Variants in TPST1 observed in about 807,000 individuals in gnomAD.
TPST1 encodes protein-tyrosine sulfotransferase 1.
A neutral mutation model predicts 34.8 loss-of-function variants in TPST1; 20 were observed. The observed-to-expected ratio is 0.57, with a 90% confidence interval of 0.40 to 0.84. TPST1 has a LOEUF of 0.84. TPST1 is among the 40% of genes least tolerant of loss of function. The pLI is 0.00. For synonymous variants in TPST1, 152 were observed against 159.4 expected, an observed-to-expected ratio of 0.95 and a Z score of 0.35; for missense variants, 353 against 455.5, an observed-to-expected ratio of 0.78 and a Z score of 2.05.
At chr7:66,318,421 A>T (rs1791677802) in intron 3 of TPST1, among the ~76,000 whole-genome samples, 1 of 151,492 alleles carries the variant, frequency 6.6e-6, no homozygotes, top group Admixed American at 6.6e-5. Context: ...ATCTAAGATC[A>T]TCTTTCTCAG....
chr7:66,340,220 G>GA (rs980194352), intron 3 of TPST1, among the ~76,000 whole-genome samples: 632 of 141,768 alleles, frequency 4.5e-3, no homozygotes, highest in African/African-American at 7.0e-3. Flanking sequence ...TCTCAAAAAA[G>GA]AAAAAAAAAA....
At chr7:66,217,002 A>C (rs1260580728) in intron 1 of TPST1, among the ~76,000 whole-genome samples, 1 of 152,032 alleles carries the variant, frequency 6.6e-6, no homozygotes, top group Non-Finnish European at 1.5e-5. Flanking sequence ...AATTTCCCAA[A>C]CTTTTTTTTT....
At chr7:66,265,181 A>T (rs958543715) in intron 2 of TPST1, among the ~76,000 whole-genome samples, 7 of 152,342 alleles carry the variant, frequency 4.6e-5, no homozygotes, top group African/African-American at 1.7e-4. Context: ...CCTGTGGGAT[A>T]CCATCAAGTG....
intron 3 of TPST1, among the ~76,000 whole-genome samples, chr7:66,331,665 T>G (rs991386040): frequency 3.9e-5 from 6 of 152,244 alleles, no homozygotes; most frequent in Admixed American, 2.6e-4. Flanking sequence ...TCTCCTTATG[T>G]AGGGTATAGA....
At chr7:66,348,660 T>C (rs1375285037) in intron 3 of TPST1, among the ~76,000 whole-genome samples, 2 of 152,230 alleles carry the variant, frequency 1.3e-5, no homozygotes, top group Admixed American at 6.5e-5. Flanking sequence ...TCCAGAAACA[T>C]TAACCAAAGG....
rs62468668 is a variant in TPST1, at chr7:66,271,750, A to G, written c.846-14761A>G. ...TTTCATTGTGAGTATATATTAATCC[A>G]TATATATGTATATATCCATATCCAT... On this transcript the variant is annotated intron_variant, in intron 2 of 5. Transcript: ENST00000304842. Among the ~76,000 whole-genome samples, 643 of 151,998 alleles carry G rather than the reference A, an allele frequency of 4.2e-3. 3 individuals carry two copies. The highest frequency in any genetic ancestry group is 7.8e-3 in the Non-Finnish European group (532 of 67,994).
intron 2 of TPST1, among the ~76,000 whole-genome samples, chr7:66,258,756 T>C (rs909992965): frequency 4.6e-5 from 7 of 152,246 alleles, no homozygotes; most frequent in Admixed American, 3.3e-4. Flanking sequence ...GAATGATTCT[T>C]ACGCTCCTTA....
At chr7:66,261,941 A>G (rs12531900) in intron 2 of TPST1, among the ~76,000 whole-genome samples, 5,616 of 152,242 alleles carry the variant, frequency 0.037, 165 homozygotes, top group East Asian at 0.088. Context: ...ACCACTGCAT[A>G]TATTACTGCT....
At chr7:66,253,370 CTTT>C (rs199518226) in intron 2 of TPST1, among the ~76,000 whole-genome samples, 8 of 130,156 alleles carry the variant, frequency 6.1e-5, no homozygotes, top group African/African-American at 5.6e-5. Context: ...AGATCGCTTT[CTTT>C]TTTTTTTTTT....
At chr7:66,329,246 AG>A (rs1791948140) in intron 3 of TPST1, among the ~76,000 whole-genome samples, 1 of 152,006 alleles carries the variant, frequency 6.6e-6, no homozygotes, top group Non-Finnish European at 1.5e-5. Context: ...AATCTACTAC[AG>A]TGAGCTTTGC....
chr7:66,247,883 C>T (rs1456738623), intron 2 of TPST1, among the ~76,000 whole-genome samples: 1 of 152,138 alleles, frequency 6.6e-6, no homozygotes, highest in Admixed American at 6.5e-5. Flanking sequence ...AACAACTACG[C>T]CCTGTTATGC....
At chr7:66,211,244 C>T (rs1007835924) in intron 1 of TPST1, among the ~76,000 whole-genome samples, 11 of 152,070 alleles carry the variant, frequency 7.2e-5, no homozygotes, top group African/African-American at 1.4e-4. Context: ...AAGCAATTCT[C>T]CTGCCTCAGC....
At position 66,213,522 on chromosome 7, in the gene TPST1, G is replaced by A. The variant is rs190953833; in HGVS notation, c.-102+8000G>A. Among the ~76,000 whole-genome samples the A allele has an allele frequency of 2.1e-3, 322 of 152,202 alleles. 2 individuals are homozygous for A. Among genetic ancestry groups the A allele is most frequent in the African/African-American group, 7.6e-3 (315 of 41,538 alleles). ...TGTAATCCCAGCACTTTGGGAGGCC[G>A]AGGCGGGCAGATCACGAGGTCGGGA... On this transcript the variant is annotated intron_variant, in intron 1 of 5. Transcript: ENST00000304842.
intron 2 of TPST1, among the ~76,000 whole-genome samples, chr7:66,243,718 G>A (rs989580355): frequency 6.6e-6 from 1 of 150,776 alleles, no homozygotes; most frequent in Non-Finnish European, 1.5e-5. Flanking sequence ...AGAGTACTGG[G>A]GTTACAGGTG....
intron 3 of TPST1, among the ~76,000 whole-genome samples, chr7:66,307,667 G>T (rs888468727): frequency 6.6e-6 from 1 of 152,150 alleles, no homozygotes; most frequent in Non-Finnish European, 1.5e-5. Context: ...ACCATTGTTG[G>T]CCTCTCCTGT....
intron 3 of TPST1, among the ~76,000 whole-genome samples, chr7:66,350,215 A>G (rs934148379): frequency 1.3e-5 from 2 of 152,148 alleles, no homozygotes; most frequent in Admixed American, 6.5e-5. Flanking sequence ...GGGTTTCACC[A>G]TGTTGGCCAG....
chr7:66,255,123 G>A (rs1790358160), intron 2 of TPST1, among the ~76,000 whole-genome samples: 1 of 149,400 alleles, frequency 6.7e-6, no homozygotes, highest in African/African-American at 2.5e-5. Flanking sequence ...TCCAGCCTGG[G>A]TGACAGAGCG....
rs1287839311 is a variant in TPST1, at chr7:66,205,487, C to G, written c.-137C>G. On this transcript the variant is annotated 5_prime_UTR_variant, in exon 1 of 6. Transcript: ENST00000304842. This position sits in a 1 kb window ranked among gnomAD's most constrained non-coding sequence, Gnocchi z 5.0. ...GGACCAGCGGCTGAGGCCAGGATGC[C>G]GTCCAGGCGGCGCGGCGGCTCCTCA... The G allele has an allele frequency of 6.6e-6, 1 of 152,446 alleles. No individual in the cohort carries two copies. The highest frequency in any genetic ancestry group is 6.5e-5 in the Admixed American group (1 of 15,282). The allele number at this position is 152,446 out of a possible 1,614,324, so 9.4% of individuals were successfully genotyped here.
intron 2 of TPST1, among the ~76,000 whole-genome samples, chr7:66,242,372 C>A (rs994627462): frequency 1.3e-5 from 2 of 151,942 alleles, no homozygotes; most frequent in Admixed American, 1.3e-4. Context: ...CTTGTGTGCC[C>A]TTCTTACTTT....
Sources: allele counts gnomAD v4.1 joint callset (sites outside exome capture counted in the v4.1 genomes callset), GRCh38; gene constraint gnomAD v4.1.1; non-coding constraint Gnocchi (gnomAD v3.1); transcripts MANE v1.5; gene names NCBI Gene and HGNC (gene_info 2026-07-23, HGNC 2026-07-21).